RASA2: variants seen among roughly 807,000 people sequenced by gnomAD.
RASA2 encodes the protein RAS p21 protein activator 2.
In RASA2, 155 loss-of-function variants were observed where a neutral mutation model predicts 118.2. That is an observed-to-expected ratio of 1.31 (90% CI 1.15 to 1.50). The LOEUF (loss-of-function observed/expected upper bound fraction) is 1.50, where lower values mean the gene tolerates loss of function less well. Among genes scored for constraint, RASA2 ranks in the 40% most tolerant of loss-of-function variants. The pLI, the probability that RASA2 is intolerant of heterozygous loss-of-function variation, is 0.00. For missense variants in RASA2, 1,016 were observed against 1,009.6 expected, an observed-to-expected ratio of 1.01 and a Z score of -0.09; for synonymous variants, 353 against 349.1, an observed-to-expected ratio of 1.01 and a Z score of -0.12.
intron 5 of RASA2, among the ~76,000 whole-genome samples, chr3:141,542,717 C>T (rs2082422835): frequency 6.6e-6 from 1 of 152,086 alleles, no homozygotes; most frequent in African/African-American, 2.4e-5. Context: ...GTAACTACCA[C>T]CACCAAGATA....
At position 141,608,509 on chromosome 3, in the gene RASA2, G is replaced by A. The variant is rs753010712; in HGVS notation, c.2037G>A (p.Thr679=). The change falls in exon 21 of 24, where the codon ACG becomes ACA. Residue 679 remains threonine, a synonymous_variant. Coordinates refer to ENST00000286364, the MANE Select transcript of RASA2 (RefSeq NM_006506.5). ...TGAAGATGTTCCAAGTAATACATACGGAGAAACCACTCTATGTCCAGGCAA... is the reference window on the plus strand; with the variant it reads ...TGAAGATGTTCCAAGTAATACATACAGAGAAACCACTCTATGTCCAGGCAA... ...NKKNMFQVIH[T]EKPLYVQANN... is the part of the protein sequence containing the mutation. 1.7e-5 allele frequency: 28 copies of A among 1,613,642 alleles called. No individual in the cohort carries two copies. The highest frequency in any genetic ancestry group is 5.0e-5 in the Admixed American group (3 of 59,956).
At position 141,520,603 on chromosome 3, in the gene RASA2, G is replaced by A. The variant is rs192733829; in HGVS notation, c.355+4172G>A. ...TGTACTGCTAGAAACAGAAGAATCTGCATATTGTATTATATGATATACAGT... is the reference window on the plus strand; with the variant it reads ...TGTACTGCTAGAAACAGAAGAATCTACATATTGTATTATATGATATACAGT... On this transcript the variant is annotated intron_variant, in intron 3 of 23. Coordinates refer to ENST00000286364, the MANE Select transcript of RASA2 (RefSeq NM_006506.5). Among the ~76,000 whole-genome samples, 77 of 151,828 alleles carry A rather than the reference G, an allele frequency of 5.1e-4. No individual in the cohort carries two copies. The East Asian group carries it at 0.013, about 26-fold the overall frequency.
chr3:141,576,405 A>G (rs2083012847), intron 14 of RASA2, among the ~76,000 whole-genome samples: 1 of 152,236 alleles, frequency 6.6e-6, no homozygotes, highest in Non-Finnish European at 1.5e-5. Flanking sequence ...CTTCACCACC[A>G]TCTGTCTGAT....
At chr3:141,529,918 A>G in intron 4 of RASA2, 116 bp downstream of exon 4, 1 of 753,138 alleles carries the variant, frequency 1.3e-6, no homozygotes, top group Non-Finnish European at 2.1e-6. Context: ...AAATTCTAGC[A>G]TCAAATATTA....
chr3:141,512,952 A>C (rs2081972341), intron 2 of RASA2, among the ~76,000 whole-genome samples: 1 of 151,908 alleles, frequency 6.6e-6, no homozygotes, highest in South Asian at 2.1e-4. Context: ...AATCTCAGCT[A>C]CTTGGGAGGC....
In RASA2 at chr3:141,573,952, G is replaced by A; in HGVS notation, c.1368G>A (p.Leu456=). The part of the protein sequence containing the change: ...GDNVENNKEN[L]RYYVDKLFNT... ...CTTTTTAAATCCTGCAGGAGAATCT[G>A]CGCTACTATGTAGACAAGTTATTCA... Residue 456 remains leucine, a synonymous_variant, in exon 14 of 24, where the codon CTG becomes CTA. Transcript: ENST00000286364. 6.3e-7 allele frequency: 1 copy of A among 1,582,642 alleles called. No individual in the cohort carries two copies. The highest frequency in any genetic ancestry group is 8.6e-7 in the Non-Finnish European group (1 of 1,162,058).
chr3:141,614,960 C>T lies in RASA2; in HGVS notation c.*2647C>T, dbSNP rs931510063. The T allele has an allele frequency of 2.0e-5, 3 of 152,040 alleles. No homozygotes were observed. The highest frequency in any genetic ancestry group is 4.4e-5 in the Non-Finnish European group (3 of 67,998). 9.4% of individuals were successfully genotyped at this position (152,040 alleles called of 1,614,324 possible). ...TTATGCCAGGTTTTGAAAAACAGAT[C>T]TTTTTCTTAAGTGAAAGCACCTTTA... is the stretch of plus-strand genomic sequence containing the variant. On this transcript the variant is annotated 3_prime_UTR_variant, in exon 24 of 24. Transcript: ENST00000286364.
At chr3:141,609,563 A>G (rs765836851) in intron 22 of RASA2, 40 bp downstream of exon 22, 6 of 1,411,974 alleles carry the variant, frequency 4.2e-6, no homozygotes, top group Non-Finnish European at 4.0e-6. Flanking sequence ...ATAATCTTTC[A>G]TTACCAATTC....
At chr3:141,487,818 C>G (rs2081596784) in intron 1 of RASA2, among the ~76,000 whole-genome samples, 1 of 152,152 alleles carries the variant, frequency 6.6e-6, no homozygotes, top group Non-Finnish European at 1.5e-5. Flanking sequence ...ACCGCGCGGT[C>G]TGTTCGCGGG....
chr3:141,508,767 C>T (rs1408945913), intron 1 of RASA2, among the ~76,000 whole-genome samples: 1 of 151,230 alleles, frequency 6.6e-6, no homozygotes, highest in African/African-American at 2.4e-5. Flanking sequence ...GAAGGGAGCA[C>T]TTGAAAGGAG....
intron 19 of RASA2, among the ~76,000 whole-genome samples, chr3:141,605,905 G>A (rs1317732435): frequency 6.6e-6 from 1 of 152,086 alleles, no homozygotes; most frequent in Admixed American, 6.6e-5. Context: ...TTCTGGTGTG[G>A]GTATTCTCTC....
chr3:141,492,673 C>G (rs1246816924), intron 1 of RASA2, among the ~76,000 whole-genome samples: 1 of 152,088 alleles, frequency 6.6e-6, no homozygotes, highest in Non-Finnish European at 1.5e-5. Flanking sequence ...TTAACTTGAA[C>G]CATTTGCTTT....
intron 5 of RASA2, among the ~76,000 whole-genome samples, chr3:141,552,881 T>C (rs923294600): frequency 2.6e-5 from 4 of 152,206 alleles, no homozygotes; most frequent in Admixed American, 6.5e-5. Context: ...GCAACACTCA[T>C]GAGTTTCTCT....
At position 141,555,885 on chromosome 3, in the gene RASA2, G is replaced by C. The variant is rs34238772; in HGVS notation, c.657G>C (p.Pro219=). 6.8e-6 allele frequency: 11 copies of C among 1,610,970 alleles called. No individual in the cohort carries two copies. The African/African-American group carries it at 1.1e-4, about 16-fold the overall frequency. Residue 219 remains proline (P), a synonymous_variant, in exon 7 of 24, where the codon CCG becomes CCC. Coordinates refer to ENST00000286364, the MANE Select transcript of RASA2 (RefSeq NM_006506.5). ...KTKVKKKTSN[P]QFNEIFYFEV... ...AAGTAAAGAAGAAAACAAGCAATCC[G>C]CAGTTTAATGAAATCTTTTATTTTG...
intron 1 of RASA2, among the ~76,000 whole-genome samples, chr3:141,508,083 ATTTG>A: frequency 6.6e-6 from 1 of 152,088 alleles, no homozygotes; most frequent in East Asian, 1.9e-4. Flanking sequence ...TGAGAAACTC[ATTTG>A]TTTCTTTGTA....
In RASA2 at chr3:141,580,451, G is replaced by A; in HGVS notation, c.1674G>A (p.Lys558=). ...LGSWGSLSKS[K]SSFKETFMCE... ...GCTGGGGGAGTCTGTCCAAAAGCAA[G>A]GTAAGTCCTTACATCTTTTATTTTG... The change falls in exon 16 of 24, where the codon AAG becomes AAA. Residue 558 remains lysine (K), a splice_region_variant and synonymous_variant. Coordinates refer to ENST00000286364, the MANE Select transcript of RASA2 (RefSeq NM_006506.5). The A allele has an allele frequency of 6.3e-7, 1 of 1,587,180 alleles. No homozygotes were observed. The highest frequency in any genetic ancestry group is 8.6e-7 in the Non-Finnish European group (1 of 1,158,358).
chr3:141,499,255 G>A lies in RASA2; in HGVS notation c.133+12039G>A, dbSNP rs561387954. The stretch of plus-strand genomic sequence containing the variant: ...TGAGGAGTTGCAGTGGTATTTATGC[G>A]TTTACTTTGACTTTGTCTTGTCACT... On this transcript the variant is annotated intron_variant, in intron 1 of 23. Transcript: ENST00000286364. Among the ~76,000 whole-genome samples the A allele has an allele frequency of 2.2e-4, 34 of 152,206 alleles. 1 individual carries two copies. In the South Asian group the frequency reaches 5.4e-3, roughly 24 times the overall value.
At chr3:141,600,159 C>T (rs1472172235) in intron 19 of RASA2, 5 of 298,388 alleles carry the variant, frequency 1.7e-5, no homozygotes, top group South Asian at 1.0e-4. Flanking sequence ...ACAGTTGACT[C>T]CAAACACATG....
At position 141,581,272 on chromosome 3, in the gene RASA2, AAAT is replaced by A. The variant is rs796878230; in HGVS notation, c.1752+102_1752+104del. The A allele has an allele frequency of 1.5e-4, 152 of 983,740 alleles. 3 individuals are homozygous for A. The African/African-American group carries it at 2.4e-3, about 15-fold the overall frequency. The allele number at this position is 983,740 out of a possible 1,614,324, so 60.9% of individuals were successfully genotyped here. A position where few individuals can be genotyped will look rare whatever the true frequency, so the allele number is the denominator to read the frequency against. ...TATTATTATTATCAATCCCCAGTTTAAATAATAATGTTTAAACTGTTCATCAAA... is the reference window on the plus strand; with the variant it reads ...TATTATTATTATCAATCCCCAGTTTAAATAATGTTTAAACTGTTCATCAAA... On this transcript the variant is annotated intron_variant, in intron 17 of 23. Transcript: ENST00000286364.
Sources: gnomAD v4.1 joint callset for allele counts (sites outside exome capture counted in the v4.1 genomes callset) on GRCh38, gnomAD v4.1.1 for gene constraint, MANE v1.5 for transcripts, NCBI Gene and HGNC (gene_info 2026-07-23, HGNC 2026-07-21) for gene names.